Variants in CHRM3 observed in about 807,000 individuals in gnomAD.
The protein encoded by CHRM3 is muscarinic acetylcholine receptor M3.
A neutral mutation model predicts 41.8 loss-of-function variants in CHRM3; 11 were observed. The observed-to-expected ratio is 0.26, with a 90% CI of 0.17 to 0.44. CHRM3 has a LOEUF of 0.44. Among genes scored for constraint, CHRM3 ranks in the 20% least tolerant of loss-of-function variants. The pLI is 1.00. For synonymous variants in CHRM3, 297 were observed against 301.4 expected, an observed-to-expected ratio of 0.99 and a Z score of 0.15; for missense variants, 571 against 745.4, an observed-to-expected ratio of 0.77 and a Z score of 2.72.
At chr1:239,441,531 A>C (rs1048580031) in intron 1 of CHRM3, among the ~76,000 whole-genome samples, 18 of 152,340 alleles carry the variant, frequency 1.2e-4, no homozygotes, top group African/African-American at 4.1e-4. Flanking sequence ...ACAGATCTAT[A>C]GTTCACATAT....
intron 6 of CHRM3, among the ~76,000 whole-genome samples, chr1:239,900,929 A>G (rs1679498945): frequency 6.6e-6 from 1 of 152,192 alleles, no homozygotes. Context: ...CCCATTCTGC[A>G]TAGCAAATCA....
At chr1:239,607,016 G>T (rs16838550) in intron 3 of CHRM3, among the ~76,000 whole-genome samples, 2,672 of 152,150 alleles carry the variant, frequency 0.018, 39 homozygotes, top group South Asian at 0.053. Flanking sequence ...TACTGCTGAG[G>T]TTTCATTTAA....
At chr1:239,514,474 T>A (rs569366388) in intron 2 of CHRM3, among the ~76,000 whole-genome samples, 36 of 152,196 alleles carry the variant, frequency 2.4e-4, no homozygotes, top group Admixed American at 1.8e-3. Flanking sequence ...TATATATTAA[T>A]CTTATATCCT....
intron 6 of CHRM3, among the ~76,000 whole-genome samples, chr1:239,840,274 G>T (rs1288100242): frequency 6.6e-6 from 1 of 152,068 alleles, no homozygotes; most frequent in Non-Finnish European, 1.5e-5. Flanking sequence ...CAGTTACCTT[G>T]GGACACTGTG....
At chr1:239,677,612 G>A (rs1157846554) in intron 4 of CHRM3, among the ~76,000 whole-genome samples, 3 of 152,146 alleles carry the variant, frequency 2.0e-5, no homozygotes, top group Non-Finnish European at 4.4e-5. Context: ...AGCAAAAGAG[G>A]AAAAGAGGGA....
intron 5 of CHRM3, among the ~76,000 whole-genome samples, chr1:239,717,698 C>T (rs1302607066): frequency 6.6e-6 from 1 of 151,964 alleles, no homozygotes; most frequent in African/African-American, 2.4e-5. Context: ...CCTGTCATTT[C>T]TGCCTTAAAC....
Position 239,659,445 on chromosome 1 carries a change from C to T in CHRM3, c.-249-18741C>T, listed in dbSNP as rs141541357. Reference sequence around the variant, plus strand: ...ATTCCTCCCCTTCACAGATGCATCCCTAGTCTCTAGGCCCCCTTCTCTCAA... The same window carrying T: ...ATTCCTCCCCTTCACAGATGCATCCTTAGTCTCTAGGCCCCCTTCTCTCAA... On this transcript the variant is annotated intron_variant, in intron 4 of 6. Coordinates refer to ENST00000676153, the MANE Select transcript of CHRM3 (RefSeq NM_001375978.1). Among the ~76,000 whole-genome samples, 11 of 152,278 alleles carry T rather than the reference C, an allele frequency of 7.2e-5. No individual in the cohort carries two copies. The East Asian group carries it at 2.1e-3, about 29-fold the overall frequency.
chr1:239,859,419 GT>G (rs36006673), intron 6 of CHRM3, among the ~76,000 whole-genome samples: 49,489 of 96,888 alleles, frequency 0.51, 8,868 homozygotes, highest in Admixed American at 0.57. Flanking sequence ...TGTTGTTGTT[GT>G]TTTTTTTTTT....
intron 3 of CHRM3, among the ~76,000 whole-genome samples, chr1:239,601,078 G>T (rs73122651): frequency 6.6e-6 from 1 of 152,190 alleles, no homozygotes; most frequent in African/African-American, 2.4e-5. Context: ...TAGGAATCCA[G>T]TGGAGAGGAT....
intron 5 of CHRM3, among the ~76,000 whole-genome samples, chr1:239,699,376 C>T (rs1386440047): frequency 6.6e-6 from 1 of 151,980 alleles, no homozygotes; most frequent in Non-Finnish European, 1.5e-5. Context: ...GATTAGAGCC[C>T]TTATAAGAAG....
chr1:239,733,339 G>A (rs1048222875), intron 5 of CHRM3, among the ~76,000 whole-genome samples: 1 of 152,056 alleles, frequency 6.6e-6, no homozygotes. Flanking sequence ...GAAGGACGCA[G>A]AGAAAATTCA....
At chr1:239,644,389 C>G (rs1342998735) in intron 4 of CHRM3, among the ~76,000 whole-genome samples, 1 of 152,106 alleles carries the variant, frequency 6.6e-6, no homozygotes, top group Non-Finnish European at 1.5e-5. Flanking sequence ...GGGTCCTCAG[C>G]CTCAGAGCCT....
At chr1:239,429,956 A>G (rs1026888092) in intron 1 of CHRM3, among the ~76,000 whole-genome samples, 3 of 148,978 alleles carry the variant, frequency 2.0e-5, no homozygotes, top group Non-Finnish European at 4.4e-5. Context: ...GACTCAGTAA[A>G]TAAACACCCA....
intron 1 of CHRM3, among the ~76,000 whole-genome samples, chr1:239,391,554 C>T (rs572651220): frequency 2.0e-5 from 3 of 152,210 alleles, no homozygotes; most frequent in Non-Finnish European, 2.9e-5. Flanking sequence ...TGGAACTTCC[C>T]GCTCATCCCC....
At chr1:239,439,803 A>G (rs1663562485) in intron 1 of CHRM3, among the ~76,000 whole-genome samples, 1 of 152,130 alleles carries the variant, frequency 6.6e-6, no homozygotes, top group Non-Finnish European at 1.5e-5. Flanking sequence ...GTGGGGAGCA[A>G]TAGGTTATCA....
chr1:239,828,764 A>C (rs757089826), intron 6 of CHRM3, among the ~76,000 whole-genome samples: 5 of 152,122 alleles, frequency 3.3e-5, no homozygotes, highest in African/African-American at 4.8e-5. Flanking sequence ...AAAATGGAGG[A>C]TATCAGAGGG....
intron 1 of CHRM3, among the ~76,000 whole-genome samples, chr1:239,476,463 CAAAAAAA>C (rs71567246): frequency 2.5e-5 from 3 of 117,704 alleles, no homozygotes; most frequent in African/African-American, 1.0e-4. Context: ...AGACTCCATC[CAAAAAAA>C]AAAAAAAAAA....
chr1:239,495,560 G>T (rs2148094331), intron 2 of CHRM3, among the ~76,000 whole-genome samples: 1 of 152,230 alleles, frequency 6.6e-6, no homozygotes, highest in East Asian at 1.9e-4. Context: ...GTGGAATGGA[G>T]ATTGGGTGTG....
intron 4 of CHRM3, among the ~76,000 whole-genome samples, chr1:239,643,603 T>G (rs562078004): frequency 6.6e-6 from 1 of 152,332 alleles, no homozygotes; most frequent in South Asian, 2.1e-4. Context: ...TGCTGTGCCC[T>G]TTTTTAAACC....
Sources: gnomAD v4.1 joint callset for allele counts (sites outside exome capture counted in the v4.1 genomes callset) on GRCh38, gnomAD v4.1.1 for gene constraint, MANE v1.5 for transcripts, NCBI Gene and HGNC (gene_info 2026-07-23, HGNC 2026-07-21) for gene names.